The following EEFSEC variants were observed in gnomAD, a reference collection of about 807,000 sequenced individuals.
EEFSEC encodes eukaryotic elongation factor, selenocysteine-tRNA specific.
EEFSEC carries 43 observed loss-of-function variants against 42.1 expected under a neutral mutation model. The observed-to-expected ratio is 1.02, with a 90% CI of 0.80 to 1.32. EEFSEC has a LOEUF of 1.32. Ranked by LOEUF, EEFSEC falls within the 40% of genes most tolerant of loss-of-function variation. EEFSEC has a pLI of 0.00. For synonymous variants in EEFSEC, 354 were observed against 339.1 expected, an observed-to-expected ratio of 1.04 and a Z score of -0.48; for missense variants, 745 against 803.6, an observed-to-expected ratio of 0.93 and a Z score of 0.88.
At chr3:128,411,954 G>A (rs932453364), downstream of EEFSEC, among the ~76,000 whole-genome samples, 5 of 152,348 alleles carry the variant, frequency 3.3e-5, no homozygotes, top group Middle Eastern at 6.8e-3. Context: ...ACATGGATCC[G>A]CGATGTCTCA....
the EEFSEC span, among the ~76,000 whole-genome samples, chr3:128,422,630 T>C: frequency 1.3e-5 from 2 of 152,246 alleles, no homozygotes; most frequent in Admixed American, 6.5e-5. Context: ...ATTAGTTTAT[T>C]GATCCCCTTG....
rs934315994 is a variant in EEFSEC, at chr3:128,153,637, G to C, written c.130G>C (p.Glu44Gln). 7 of 1,598,158 alleles carry C rather than the reference G, an allele frequency of 4.4e-6. No individual in the cohort carries two copies. The African/African-American group carries it at 6.8e-5, about 16-fold the overall frequency. ...CTTTGACAAGCAGCCGCAGAGCCGC[G>C]AGCGCGGCATCACGCTCGATCTGGG... ...AAFDKQPQSRERGITLDLGFS... is the reference protein window; with the variant it reads ...AAFDKQPQSRQRGITLDLGFS... Residue 44 changes from glutamate to glutamine, a missense_variant, in exon 1 of 7, where the codon GAG becomes CAG. Transcript: ENST00000254730.
intron 1 of EEFSEC, among the ~76,000 whole-genome samples, chr3:128,232,367 G>A (rs528426646): frequency 6.6e-6 from 1 of 152,246 alleles, no homozygotes; most frequent in African/African-American, 2.4e-5. Flanking sequence ...TTTATCCTAA[G>A]TACAGATGAA....
intron 4 of EEFSEC, among the ~76,000 whole-genome samples, chr3:128,321,048 A>G (rs1468908527): frequency 2.0e-5 from 3 of 152,230 alleles, no homozygotes; most frequent in African/African-American, 7.2e-5. Context: ...AGGTGGCGAC[A>G]AAGGCAGGGA....
intron 6 of EEFSEC, among the ~76,000 whole-genome samples, chr3:128,376,036 C>T (rs140331235): frequency 1.2e-4 from 19 of 152,338 alleles, no homozygotes; most frequent in African/African-American, 3.6e-4. Context: ...TGCCCTCCTT[C>T]AGGCAGCTGT....
At chr3:128,243,527 A>T (rs1228497455) in intron 1 of EEFSEC, among the ~76,000 whole-genome samples, 1 of 152,274 alleles carries the variant, frequency 6.6e-6, no homozygotes, top group East Asian at 1.9e-4. Context: ...CATTTGCTGC[A>T]TTAGTCCAGC....
Position 128,278,717 on chromosome 3 carries a change from G to A in EEFSEC, c.786+13936G>A, listed in dbSNP as rs78910479. On this transcript the variant is annotated intron_variant, in intron 4 of 6. Coordinates refer to ENST00000254730, the MANE Select transcript of EEFSEC (RefSeq NM_021937.5). The stretch of plus-strand genomic sequence containing the variant: ...GCTCCCAACCCTCTTCTTGTTCATG[G>A]TGGGGGAGCCTTCCTAGTTGTGAAA... 5.4e-3 allele frequency among the ~76,000 whole-genome samples: 822 copies of A among 152,346 alleles called. 5 individuals carry two copies. The highest frequency in any genetic ancestry group is 0.019 in the African/African-American group (774 of 41,580).
intron 1 of EEFSEC, among the ~76,000 whole-genome samples, chr3:128,231,761 G>T (rs73197340): frequency 0.015 from 2,254 of 152,212 alleles, 26 homozygotes; most frequent in Middle Eastern, 0.048. Flanking sequence ...TTCCTGGTTG[G>T]TTGGCAAGTC....
At chr3:128,326,391 G>T (rs749887911) in intron 4 of EEFSEC, among the ~76,000 whole-genome samples, 2 of 152,172 alleles carry the variant, frequency 1.3e-5, no homozygotes, top group Non-Finnish European at 2.9e-5. Flanking sequence ...CCCCATCTTG[G>T]CAGGTGGTAC....
At chr3:128,410,863 G>A (rs1034161308), downstream of EEFSEC, among the ~76,000 whole-genome samples, 9 of 152,290 alleles carry the variant, frequency 5.9e-5, no homozygotes, top group Admixed American at 5.9e-4. Context: ...CTCCCTACTG[G>A]TCTGAAGACC....
At chr3:128,233,833 G>A (rs111608377) in intron 1 of EEFSEC, among the ~76,000 whole-genome samples, 31 of 152,230 alleles carry the variant, frequency 2.0e-4, no homozygotes, top group African/African-American at 6.5e-4. Context: ...GTGTGACTGA[G>A]GGCAAGTCAC....
intron 4 of EEFSEC, among the ~76,000 whole-genome samples, chr3:128,328,742 T>G (rs890711241): frequency 6.6e-6 from 1 of 152,210 alleles, no homozygotes; most frequent in East Asian, 1.9e-4. Context: ...GAGCCTTGTA[T>G]CCAGTGTCCA....
chr3:128,404,653 G>A (rs902168074), intron 6 of EEFSEC, among the ~76,000 whole-genome samples: 3 of 152,244 alleles, frequency 2.0e-5, no homozygotes, highest in Non-Finnish European at 2.9e-5. Flanking sequence ...GACTGGCCAG[G>A]GTCCTCCCCA....
chr3:128,264,432 G>A (rs2066330352), intron 3 of EEFSEC, among the ~76,000 whole-genome samples, 185 bp from the exon 4 acceptor site: 1 of 152,166 alleles, frequency 6.6e-6, no homozygotes, highest in Non-Finnish European at 1.5e-5. Context: ...GCAGAAGCTT[G>A]GAATGCAGTC....
intron 5 of EEFSEC, among the ~76,000 whole-genome samples, chr3:128,352,119 A>G (rs537937139): frequency 6.6e-6 from 1 of 152,216 alleles, no homozygotes; most frequent in South Asian, 2.1e-4. Flanking sequence ...TCACACATGC[A>G]TGCACACACC....
chr3:128,358,038 T>C (rs897163654), intron 5 of EEFSEC, among the ~76,000 whole-genome samples, 179 bp from the exon 6 acceptor site: 1 of 152,112 alleles, frequency 6.6e-6, no homozygotes, highest in African/African-American at 2.4e-5. Flanking sequence ...TCTGCCCTGC[T>C]CCCATGCATT....
chr3:128,246,750 C>G, intron 1 of EEFSEC, 86 bp from the exon 2 acceptor site: 1 of 1,386,300 alleles, frequency 7.2e-7, no homozygotes, highest in South Asian at 1.2e-5. Flanking sequence ...ACTTTTACTG[C>G]AGTGCTTTGA....
chr3:128,403,748 T>C (rs2068075779), intron 6 of EEFSEC, among the ~76,000 whole-genome samples: 1 of 152,196 alleles, frequency 6.6e-6, no homozygotes, highest in Non-Finnish European at 1.5e-5. Context: ...GTGACAGCAA[T>C]ATCTATGGCT....
At chr3:128,408,979 G>A (rs563325737), downstream of EEFSEC, among the ~76,000 whole-genome samples, 39 of 152,274 alleles carry the variant, frequency 2.6e-4, no homozygotes, top group Middle Eastern at 0.014. Flanking sequence ...ACCCCAACAC[G>A]AGGAGTCCCT....
Sources: gnomAD v4.1 joint callset for allele counts (sites outside exome capture counted in the v4.1 genomes callset) on GRCh38, gnomAD v4.1.1 for gene constraint, MANE v1.5 for transcripts, NCBI Gene and HGNC (gene_info 2026-07-23, HGNC 2026-07-21) for gene names.